Variants in FER observed in about 807,000 individuals in gnomAD.
The protein encoded by FER is FER tyrosine kinase, also known as tyrosine-protein kinase Fer.
Under a neutral mutation model 111.0 loss-of-function variants are expected in FER, and 63 were observed. The ratio of observed to expected loss-of-function variants is 0.57; its 90% CI spans 0.46 to 0.70. FER has a LOEUF of 0.70. FER is among the 30% of genes least tolerant of loss of function. The pLI is 0.00. For missense variants in FER, 914 were observed against 954.0 expected, an observed-to-expected ratio of 0.96 and a Z score of 0.55; for synonymous variants, 327 against 313.9, an observed-to-expected ratio of 1.04 and a Z score of -0.44.
At chr5:109,141,058 A>G (rs1177907589) in intron 17 of FER, among the ~76,000 whole-genome samples, 1 of 152,134 alleles carries the variant, frequency 6.6e-6, no homozygotes, top group East Asian at 1.9e-4. Context: ...TCTTTATTCA[A>G]GTATAAGACT....
chr5:109,090,435 A>G (rs1778039357), intron 16 of FER, among the ~76,000 whole-genome samples: 1 of 152,204 alleles, frequency 6.6e-6, no homozygotes, highest in African/African-American at 2.4e-5. Flanking sequence ...AAAAATCACA[A>G]GACACATGAA....
chr5:108,825,101 C>T (rs1408820543), intron 3 of FER, among the ~76,000 whole-genome samples: 9 of 152,136 alleles, frequency 5.9e-5, no homozygotes, highest in African/African-American at 4.8e-5. Flanking sequence ...GACCACAGGA[C>T]GGAGGCGAAA....
At chr5:108,844,676 C>T (rs1398282346) in intron 5 of FER, among the ~76,000 whole-genome samples, 2 of 152,006 alleles carry the variant, frequency 1.3e-5, no homozygotes, top group Non-Finnish European at 2.9e-5. Flanking sequence ...CGTCTTCTAT[C>T]TCGAGGCAAC....
At chr5:108,986,927 G>T (rs1451863753) in intron 13 of FER, among the ~76,000 whole-genome samples, 1 of 151,854 alleles carries the variant, frequency 6.6e-6, no homozygotes, top group African/African-American at 2.4e-5. Context: ...GTCAATGACG[G>T]TTCTTTTTTG....
intron 2 of FER, among the ~76,000 whole-genome samples, chr5:108,770,490 T>C (rs1752784920): frequency 6.6e-6 from 1 of 152,232 alleles, no homozygotes; most frequent in Non-Finnish European, 1.5e-5. Flanking sequence ...TTTCTTTCTT[T>C]ATGGGACAGA....
At chr5:108,856,963 A>G (rs1484108777) in intron 5 of FER, among the ~76,000 whole-genome samples, 2 of 152,136 alleles carry the variant, frequency 1.3e-5, no homozygotes, top group Non-Finnish European at 2.9e-5. Context: ...GAATATTCTG[A>G]TACTTTAAAA....
chr5:108,806,202 C>T (rs1289367442), intron 3 of FER, among the ~76,000 whole-genome samples: 3 of 152,168 alleles, frequency 2.0e-5, no homozygotes, highest in South Asian at 2.1e-4. Flanking sequence ...GCAGCTTCCA[C>T]GTGGTGTTGA....
chr5:109,140,970 C>T (rs1308674843), intron 17 of FER, among the ~76,000 whole-genome samples: 1 of 152,116 alleles, frequency 6.6e-6, no homozygotes, highest in East Asian at 1.9e-4. Context: ...TCCACAGTAG[C>T]TCCTATTCTT....
At chr5:108,991,027 T>C (rs536302266) in intron 13 of FER, among the ~76,000 whole-genome samples, 1 of 151,596 alleles carries the variant, frequency 6.6e-6, no homozygotes, top group African/African-American at 2.4e-5. Flanking sequence ...AAATATTTAA[T>C]ATTTAGATAT....
intron 1 of FER, among the ~76,000 whole-genome samples, chr5:108,753,138 G>C (rs1041291951): frequency 6.6e-5 from 10 of 152,062 alleles, no homozygotes; most frequent in Admixed American, 1.3e-4. Flanking sequence ...GTATTAAACT[G>C]ACTTTAGGAA....
intron 13 of FER, among the ~76,000 whole-genome samples, chr5:109,006,248 G>T (rs898164490): frequency 1.3e-5 from 2 of 152,114 alleles, no homozygotes; most frequent in African/African-American, 4.8e-5. Context: ...CAGTTATATT[G>T]AGCTACTTGA....
intron 12 of FER, among the ~76,000 whole-genome samples, chr5:108,958,035 GAACTGATTCAAACACT>G (rs1480120015): frequency 3.3e-5 from 5 of 151,640 alleles, no homozygotes; most frequent in African/African-American, 1.2e-4. Flanking sequence ...CAACTGCTTT[GAACTGATTCAAACACT>G]AACTGCCCTT....
At chr5:108,792,600 G>A (rs1299960612) in intron 2 of FER, among the ~76,000 whole-genome samples, 1 of 151,824 alleles carries the variant, frequency 6.6e-6, no homozygotes, top group African/African-American at 2.4e-5. Context: ...GCCTCCCAAA[G>A]TGCTGGGATT....
At chr5:108,994,347 C>A (rs1763721645) in intron 13 of FER, among the ~76,000 whole-genome samples, 1 of 152,224 alleles carries the variant, frequency 6.6e-6, no homozygotes, top group African/African-American at 2.4e-5. Context: ...GTTCTCCCAG[C>A]ACCATTTATT....
chr5:109,111,050 A>G (rs1749552084), intron 17 of FER, among the ~76,000 whole-genome samples: 1 of 152,146 alleles, frequency 6.6e-6, no homozygotes, highest in African/African-American at 2.4e-5. Context: ...ACAGTTTTTT[A>G]TATTTAAATT....
chr5:109,179,823 T>C (rs1208480699), intron 17 of FER, among the ~76,000 whole-genome samples: 1 of 152,170 alleles, frequency 6.6e-6, no homozygotes, highest in African/African-American at 2.4e-5. Context: ...TGGATTTTGG[T>C]ATCTGAGGGG....
At chr5:108,902,556 G>A (rs1229204099) in intron 10 of FER, among the ~76,000 whole-genome samples, 1 of 152,174 alleles carries the variant, frequency 6.6e-6, no homozygotes, top group East Asian at 1.9e-4. Flanking sequence ...TAGTATATGG[G>A]ATGCAGTGTT....
intron 16 of FER, among the ~76,000 whole-genome samples, chr5:109,077,978 G>A (rs998804384): frequency 6.6e-6 from 1 of 151,966 alleles, no homozygotes; most frequent in African/African-American, 2.4e-5. Context: ...ATTATTTATT[G>A]TAAACTTGCA....
At chr5:108,783,731 C>T (rs1163787610) in intron 2 of FER, among the ~76,000 whole-genome samples, 1 of 152,102 alleles carries the variant, frequency 6.6e-6, no homozygotes, top group Non-Finnish European at 1.5e-5. Context: ...AGGGCTCCCA[C>T]TGGTCTCTGC....
Sources: gnomAD v4.1 joint callset for allele counts (sites outside exome capture counted in the v4.1 genomes callset) on GRCh38, gnomAD v4.1.1 for gene constraint, MANE v1.5 for transcripts, NCBI Gene and HGNC (gene_info 2026-07-23, HGNC 2026-07-21) for gene names.